The following ATG14 variants were observed in gnomAD, a reference collection of about 807,000 sequenced individuals.
ATG14 encodes the protein beclin 1-associated autophagy-related key regulator.
ATG14 carries 35 observed loss-of-function variants against 60.4 expected under a neutral mutation model. The observed-to-expected ratio is 0.58, with a 90% CI of 0.44 to 0.77. The LOEUF (loss-of-function observed/expected upper bound fraction) is 0.77, where lower values mean the gene tolerates loss of function less well. ATG14 is among the 30% of genes least tolerant of loss of function. The pLI is 0.00. For missense variants in ATG14, 647 were observed against 626.3 expected, an observed-to-expected ratio of 1.03 and a Z score of -0.35; for synonymous variants, 234 against 228.8, an observed-to-expected ratio of 1.02 and a Z score of -0.21.
chr14:55,386,237 G>A (rs1885124380), intron 4 of ATG14, 141 bp from the exon 5 acceptor site: 1 of 583,454 alleles, frequency 1.7e-6, no homozygotes, highest in Non-Finnish European at 2.9e-6. Flanking sequence ...TTCACTAAGT[G>A]GAAAATTTGA....
chr14:55,366,788 CA>C lies in ATG14; in HGVS notation c.*2830del, dbSNP rs1328139717. On this transcript the variant is annotated 3_prime_UTR_variant, in exon 10 of 10. Transcript: ENST00000247178. ...CAAGTTCTATGGCTTTTTGTTTAAA[CA>C]AAATACCAGCTTCAATTTTTTAAAA... 2.0e-5 allele frequency: 3 copies of C among 152,592 alleles called. No homozygotes were observed. The highest frequency in any genetic ancestry group is 7.2e-5 in the African/African-American group (3 of 41,534). The allele number at this position is 152,592 out of a possible 1,614,324, so 9.5% of individuals were successfully genotyped here.
chr14:55,380,478 A>G (rs1416513316), intron 7 of ATG14, 95 bp downstream of exon 7: 2 of 800,518 alleles, frequency 2.5e-6, no homozygotes, highest in African/African-American at 1.7e-5. Context: ...GGTAATACTT[A>G]CATTCTTATT....
At chr14:55,407,414 C>T (rs1885508863) in intron 1 of ATG14, among the ~76,000 whole-genome samples, 1 of 152,214 alleles carries the variant, frequency 6.6e-6, no homozygotes, top group Non-Finnish European at 1.5e-5. Flanking sequence ...CAGGCGTGAG[C>T]CACTGCCCCC....
At chr14:55,403,745 T>C (rs1885447702) in intron 1 of ATG14, among the ~76,000 whole-genome samples, 2 of 152,170 alleles carry the variant, frequency 1.3e-5, no homozygotes, top group African/African-American at 2.4e-5. Flanking sequence ...TGGCAGAGAA[T>C]ATGCATAGGA....
At chr14:55,390,799 G>C in intron 4 of ATG14, 112 bp downstream of exon 4, 1 of 705,854 alleles carries the variant, frequency 1.4e-6, no homozygotes, top group South Asian at 1.8e-5. Context: ...AATTCTCCAA[G>C]TTGCCACTGC....
chr14:55,395,729 A>G (rs1885304014), intron 3 of ATG14, among the ~76,000 whole-genome samples: 3 of 152,354 alleles, frequency 2.0e-5, no homozygotes, highest in Admixed American at 2.0e-4. Flanking sequence ...GTCAGGTTTC[A>G]TAATTATCCT....
intron 1 of ATG14, among the ~76,000 whole-genome samples, chr14:55,403,527 G>A (rs1402152141): frequency 6.6e-6 from 1 of 151,936 alleles, no homozygotes; most frequent in African/African-American, 2.4e-5. Flanking sequence ...AAATAAAAGG[G>A]ATAGTCATAT....
intron 3 of ATG14, among the ~76,000 whole-genome samples, chr14:55,394,426 T>G (rs1885278446): frequency 1.3e-5 from 2 of 152,178 alleles, no homozygotes; most frequent in Admixed American, 1.3e-4. Context: ...ATTTTAATTC[T>G]TTTTTAAAGT....
At chr14:55,402,109 AT>A (rs1445539785) in intron 1 of ATG14, among the ~76,000 whole-genome samples, 4 of 152,160 alleles carry the variant, frequency 2.6e-5, no homozygotes, top group African/African-American at 9.7e-5. Context: ...CATGCACTCT[AT>A]TAGGGATGCA....
chr14:55,411,265 A>G (rs1885566525), intron 1 of ATG14, among the ~76,000 whole-genome samples: 1 of 152,264 alleles, frequency 6.6e-6, no homozygotes, highest in Non-Finnish European at 1.5e-5. Flanking sequence ...ATGGGAGTAC[A>G]TACAGCAAAG....
chr14:55,400,790 G>A (rs936543951), intron 1 of ATG14, among the ~76,000 whole-genome samples: 2 of 152,182 alleles, frequency 1.3e-5, no homozygotes, highest in East Asian at 1.9e-4. Flanking sequence ...TGTAATCCCA[G>A]CTACTTGGGA....
intron 9 of ATG14, among the ~76,000 whole-genome samples, chr14:55,371,769 A>G (rs970742677): frequency 6.6e-6 from 1 of 151,394 alleles, no homozygotes; most frequent in Admixed American, 6.6e-5. Context: ...GCGCCAGTGC[A>G]CTCTAGCCTG....
intron 4 of ATG14, among the ~76,000 whole-genome samples, chr14:55,389,789 T>C (rs1026286074): frequency 6.6e-6 from 1 of 152,236 alleles, no homozygotes; most frequent in Non-Finnish European, 1.5e-5. Context: ...TAGAAATGTA[T>C]ATGATGTTAC....
At chr14:55,377,436 G>T (rs984518218) in intron 9 of ATG14, among the ~76,000 whole-genome samples, 1 of 152,114 alleles carries the variant, frequency 6.6e-6, no homozygotes, top group African/African-American at 2.4e-5. Context: ...CAGACACTAG[G>T]TAGGGCTAGA....
intron 9 of ATG14, among the ~76,000 whole-genome samples, chr14:55,372,216 C>G (rs1884834726): frequency 6.6e-6 from 1 of 152,108 alleles, no homozygotes; most frequent in Non-Finnish European, 1.5e-5. Context: ...ACCAGGGCTA[C>G]CTGTTATCAT....
At chr14:55,392,128 G>A (rs1402579623) in intron 3 of ATG14, among the ~76,000 whole-genome samples, 1 of 152,160 alleles carries the variant, frequency 6.6e-6, no homozygotes, top group Non-Finnish European at 1.5e-5. Flanking sequence ...TCTCATAGGA[G>A]TGCACAACCT....
chr14:55,381,136 C>T (rs771460238), intron 6 of ATG14, among the ~76,000 whole-genome samples: 22 of 152,148 alleles, frequency 1.4e-4, no homozygotes, highest in Non-Finnish European at 2.4e-4. Flanking sequence ...TACAGCATCT[C>T]GATCATTTAC....
intron 1 of ATG14, among the ~76,000 whole-genome samples, chr14:55,401,069 C>T (rs995046133): frequency 6.6e-6 from 1 of 152,082 alleles, no homozygotes; most frequent in Non-Finnish European, 1.5e-5. Context: ...TTTTCTCACA[C>T]TCTCCCCAAA....
intron 5 of ATG14, among the ~76,000 whole-genome samples, chr14:55,385,535 CGCCTGCCTCG>C (rs1885110479): frequency 6.6e-6 from 1 of 152,176 alleles, no homozygotes; most frequent in African/African-American, 2.4e-5. Flanking sequence ...TCAGGTGATT[CGCCTGCCTCG>C]GCCTCCCAAA....
Sources: allele counts gnomAD v4.1 joint callset (sites outside exome capture counted in the v4.1 genomes callset), GRCh38; gene constraint gnomAD v4.1.1; transcripts MANE v1.5; gene names NCBI Gene and HGNC (gene_info 2026-07-23, HGNC 2026-07-21).